The following INTS6 variants were observed in gnomAD, a reference collection of about 807,000 sequenced individuals.
INTS6 encodes DEAD box protein.
Under a neutral mutation model 104.9 loss-of-function variants are expected in INTS6, and 16 were observed. That is an observed-to-expected ratio of 0.15 (90% CI 0.10 to 0.23). The LOEUF (loss-of-function observed/expected upper bound fraction) is 0.23, where lower values mean the gene tolerates loss of function less well. Among genes scored for constraint, INTS6 ranks in the 10% least tolerant of loss-of-function variants. The pLI is 1.00. For synonymous variants in INTS6, 324 were observed against 358.7 expected (o/e 0.90, Z 1.09); for missense variants, 584 against 1,062.8 (o/e 0.55, Z 6.26).
chr13:51,452,077 A>G lies in INTS6; in HGVS notation c.112-22T>C, dbSNP rs1220230442. The G allele has an allele frequency of 1.9e-6, 3 of 1,604,520 alleles. No homozygotes were observed. The highest frequency in any genetic ancestry group is 1.8e-4 in the Middle Eastern group (1 of 5,438). On this transcript the variant is annotated intron_variant, in intron 1 of 17. Transcript: ENST00000311234. This position sits in a 1 kb window ranked among gnomAD's most constrained non-coding sequence, Gnocchi z 4.2. ...GGAGCTGCGGGACGGGAGGAGGAAC[A>G]GGGCGGGCGACAGGGAAGCACAGAG...
At chr13:51,438,657 G>C (rs1952738830) in intron 3 of INTS6, 1 of 152,164 alleles carries the variant, frequency 6.6e-6, no homozygotes, top group Admixed American at 6.5e-5. Context: ...ATTTAGGCCT[G>C]ATCTTGTGGA....
intron 3 of INTS6, among the ~76,000 whole-genome samples, chr13:51,433,945 G>A (rs1449422310): frequency 6.6e-6 from 1 of 152,158 alleles, no homozygotes; most frequent in Admixed American, 6.5e-5. Flanking sequence ...GAGATTAAAT[G>A]ATATAACTCA....
chr13:51,377,550 ATTGTTCCAT>A (rs369155862), intron 12 of INTS6, among the ~76,000 whole-genome samples: 10 of 152,032 alleles, frequency 6.6e-5, no homozygotes, highest in African/African-American at 2.4e-4. Flanking sequence ...TGGATATCCA[ATTGTTCCAT>A]TTGTTTAAAA....
intron 17 of INTS6, 24 bp from the exon 18 acceptor site, chr13:51,365,869 T>C (rs145421973): frequency 7.2e-7 from 1 of 1,381,250 alleles, no homozygotes; most frequent in African/African-American, 1.4e-5. Context: ...TAAATAGTAC[T>C]CTCAATTACT....
At chr13:51,349,959 GA>G (rs558039973), downstream of INTS6, among the ~76,000 whole-genome samples, 162 of 151,970 alleles carry the variant, frequency 1.1e-3, no homozygotes, top group South Asian at 3.1e-3. Flanking sequence ...ATCCTTTGGG[GA>G]ACAAAACAAA....
chr13:51,440,247 T>A (rs1463244186), intron 3 of INTS6: 11 of 145,108 alleles, frequency 7.6e-5, no homozygotes, highest in Admixed American at 4.8e-4. Flanking sequence ...CAAGACTCCA[T>A]CTCAAAAAAA....
chr13:51,383,859 TGCTAAAAGCAACATTAA>T (rs1218445105), intron 7 of INTS6, 118 bp from the exon 8 acceptor site: 2 of 744,034 alleles, frequency 2.7e-6, no homozygotes, highest in African/African-American at 3.5e-5. Context: ...TTTGATTTAC[TGCTAAAAGCAACATTAA>T]GCTGAAAGGA....
chr13:51,449,628 T>C (rs1952993613), intron 3 of INTS6: 1 of 985,276 alleles, frequency 1.0e-6, no homozygotes, highest in Non-Finnish European at 1.2e-6. Flanking sequence ...AACCAAATAA[T>C]GGCAAGTTTT....
At chr13:51,340,402 A>C in the INTS6 span, among the ~76,000 whole-genome samples, 1 of 152,232 alleles carries the variant, frequency 6.6e-6, no homozygotes, top group African/African-American at 2.4e-5. Flanking sequence ...TTTGCATCAC[A>C]AGAATTCTGA....
At chr13:51,407,206 A>C (rs1222031345) in intron 4 of INTS6, among the ~76,000 whole-genome samples, 1 of 152,208 alleles carries the variant, frequency 6.6e-6, no homozygotes, top group Non-Finnish European at 1.5e-5. Context: ...GACCAGATCT[A>C]ATTCATTATA....
chr13:51,453,023 C>T lies in INTS6; in HGVS notation c.-498G>A, dbSNP rs1953100763. 1.5e-5 allele frequency: 15 copies of T among 1,010,532 alleles called. No homozygotes were observed. In the South Asian group the frequency reaches 5.2e-4, roughly 35 times the overall value. The allele number at this position is 1,010,532 out of a possible 1,614,324, so 62.6% of individuals were successfully genotyped here. ...CGGTGTCACCACTTTCTCAGCCCCT[C>T]TCGCTACTGAAGCGCTTTTCTCTCT... On this transcript the variant is annotated 5_prime_UTR_variant, in exon 1 of 18. Transcript: ENST00000311234.
intron 15 of INTS6, among the ~76,000 whole-genome samples, chr13:51,373,950 C>T (rs569419164): frequency 2.6e-5 from 4 of 152,126 alleles, no homozygotes; most frequent in Non-Finnish European, 5.9e-5. Flanking sequence ...ATGCTCCTTT[C>T]GAAAGTATTA....
intron 4 of INTS6, among the ~76,000 whole-genome samples, chr13:51,427,195 C>A (rs1451367440): frequency 6.6e-6 from 1 of 152,026 alleles, no homozygotes; most frequent in Admixed American, 6.6e-5. Flanking sequence ...CATACCAACA[C>A]CAGCCACAAG....
chr13:51,351,554 T>C (rs1955402983), downstream of INTS6, among the ~76,000 whole-genome samples: 1 of 152,156 alleles, frequency 6.6e-6, no homozygotes, highest in African/African-American at 2.4e-5. Flanking sequence ...AGATATATGA[T>C]TTGTAAATAC....
chr13:51,355,089 T>G, intron 3 of INTS6: 2 of 1,552,602 alleles, frequency 1.3e-6, no homozygotes, highest in Non-Finnish European at 8.7e-7. Flanking sequence ...TTTAAATTCT[T>G]GGGGAGTCAC....
intron 5 of INTS6, among the ~76,000 whole-genome samples, chr13:51,391,401 GAAA>G (rs891826987): frequency 5.3e-5 from 8 of 151,980 alleles, no homozygotes; most frequent in African/African-American, 1.9e-4. Context: ...AAAAATTGGA[GAAA>G]AAGAATAAAA....
At chr13:51,399,702 T>C (rs1956400633) in intron 4 of INTS6, among the ~76,000 whole-genome samples, 1 of 149,708 alleles carries the variant, frequency 6.7e-6, no homozygotes, top group Non-Finnish European at 1.5e-5. Context: ...ATGTTAGCCA[T>C]TGTGGGTGTG....
the INTS6 span, chr13:51,340,726 T>C: frequency 3.4e-6 from 1 of 293,536 alleles, no homozygotes; most frequent in Non-Finnish European, 6.4e-6. Context: ...GAACAATGAG[T>C]AGGATTACCT....
At position 51,452,985 on chromosome 13, in the gene INTS6, C is replaced by T. The variant is rs1259644731; in HGVS notation, c.-460G>A. ...TGTTGGGAGAAGTTTCAGGGACTCC[C>T]TCCGCACCCCGGCGGTGTCACCACT... On this transcript the variant is annotated 5_prime_UTR_variant, in exon 1 of 18. Transcript: ENST00000311234. This position sits in a 1 kb window ranked among gnomAD's most constrained non-coding sequence, Gnocchi z 4.2. 2.0e-6 allele frequency: 2 copies of T among 1,005,760 alleles called. No individual in the cohort carries two copies. The highest frequency in any genetic ancestry group is 2.4e-6 in the Non-Finnish European group (2 of 842,282). The allele number at this position is 1,005,760 out of a possible 1,614,324, so 62.3% of individuals were successfully genotyped here.
Sources: allele counts gnomAD v4.1 joint callset (sites outside exome capture counted in the v4.1 genomes callset), GRCh38; gene constraint gnomAD v4.1.1; non-coding constraint Gnocchi (gnomAD v3.1); transcripts MANE v1.5; gene names NCBI Gene and HGNC (gene_info 2026-07-23, HGNC 2026-07-21).